MYO5B: variants seen among roughly 807,000 people sequenced by gnomAD.
MYO5B encodes unconventional myosin-Vb.
In MYO5B, 143 loss-of-function variants were observed where a neutral mutation model predicts 229.3. The ratio of observed to expected loss-of-function variants is 0.62; its 90% CI spans 0.54 to 0.72. MYO5B has a LOEUF of 0.72. Ranked by LOEUF, MYO5B falls within the 30% of genes least tolerant of loss-of-function variation. The probability of loss-of-function intolerance (pLI) is 0.00; values close to 1 mark genes in which losing one functional copy is unlikely to be tolerated. For synonymous variants in MYO5B, 918 were observed against 885.2 expected (o/e 1.04, Z -0.66); for missense variants, 2,321 against 2,331.0 (o/e 1.00, Z 0.09).
At chr18:50,085,445 G>A (rs946167410) in intron 1 of MYO5B, among the ~76,000 whole-genome samples, 3 of 152,080 alleles carry the variant, frequency 2.0e-5, no homozygotes, top group African/African-American at 2.4e-5. Context: ...GGAGAAATAG[G>A]AACACTTTTA....
chr18:50,062,115 T>A (rs1285198616), intron 1 of MYO5B, among the ~76,000 whole-genome samples: 1 of 152,032 alleles, frequency 6.6e-6, no homozygotes, highest in African/African-American at 2.4e-5. Flanking sequence ...CAGCCCAGAG[T>A]CCTGCTGAGT....
chr18:49,941,021 A>G (rs528633957), intron 14 of MYO5B, among the ~76,000 whole-genome samples: 1 of 152,330 alleles, frequency 6.6e-6, no homozygotes, highest in African/African-American at 2.4e-5. Context: ...AATTAACACA[A>G]GTCAGTGTTT....
At chr18:50,094,328 A>G (rs1471594941) in intron 1 of MYO5B, among the ~76,000 whole-genome samples, 2 of 152,236 alleles carry the variant, frequency 1.3e-5, no homozygotes, top group East Asian at 1.9e-4. Context: ...ACAGGTTCAC[A>G]TCAAAATTGA....
At chr18:50,121,481 G>C (rs907126074) in intron 1 of MYO5B, among the ~76,000 whole-genome samples, 1 of 152,220 alleles carries the variant, frequency 6.6e-6, no homozygotes, top group African/African-American at 2.4e-5. Flanking sequence ...AAAGGGCTCT[G>C]TGTAGCAGCA....
At chr18:50,085,427 G>A (rs560674280) in intron 1 of MYO5B, among the ~76,000 whole-genome samples, 87 of 152,126 alleles carry the variant, frequency 5.7e-4, no homozygotes, top group African/African-American at 2.1e-3. Flanking sequence ...AGGTGCTGGA[G>A]AGGATGTGGA....
chr18:49,953,106 A>G (rs1292979955), intron 14 of MYO5B, among the ~76,000 whole-genome samples, 154 bp downstream of exon 14: 1 of 152,056 alleles, frequency 6.6e-6, no homozygotes, highest in Non-Finnish European at 1.5e-5. Flanking sequence ...ATGGCCATTC[A>G]ACTGTTTTCA....
chr18:49,907,894 C>T (rs1366840479), intron 18 of MYO5B, among the ~76,000 whole-genome samples: 1 of 152,250 alleles, frequency 6.6e-6, no homozygotes, highest in African/African-American at 2.4e-5. Flanking sequence ...ACCCACTGGG[C>T]CTTCAGCTCA....
intron 28 of MYO5B, 102 bp downstream of exon 28, chr18:49,864,039 T>C: frequency 6.5e-7 from 1 of 1,548,410 alleles, no homozygotes; most frequent in Non-Finnish European, 8.7e-7. Context: ...ACTCTGCTCT[T>C]TCAGGTTTTA....
At chr18:49,924,707 C>T (rs1184398886) in intron 17 of MYO5B, among the ~76,000 whole-genome samples, 3 of 152,226 alleles carry the variant, frequency 2.0e-5, no homozygotes, top group Non-Finnish European at 4.4e-5. Context: ...GCAGCAGCAA[C>T]AGCATAACTT....
intron 1 of MYO5B, among the ~76,000 whole-genome samples, chr18:50,116,673 A>G (rs977400761): frequency 6.6e-6 from 1 of 151,798 alleles, no homozygotes; most frequent in Admixed American, 6.5e-5. Flanking sequence ...GCTGTTCTCA[A>G]AGTGTGGTCC....
chr18:50,141,987 G>A (rs926645603), intron 1 of MYO5B, among the ~76,000 whole-genome samples: 33 of 152,160 alleles, frequency 2.2e-4, no homozygotes, highest in African/African-American at 7.2e-4. Context: ...TTCTCTCTGG[G>A]AATTCTGCTA....
intron 33 of MYO5B, among the ~76,000 whole-genome samples, chr18:49,844,753 A>G (rs909751169): frequency 2.6e-5 from 4 of 152,182 alleles, no homozygotes; most frequent in African/African-American, 9.7e-5. Context: ...CCAATCCATA[A>G]CTTCTTACTT....
intron 2 of MYO5B, among the ~76,000 whole-genome samples, chr18:50,042,060 C>G (rs2030032176): frequency 6.6e-6 from 1 of 152,174 alleles, no homozygotes; most frequent in South Asian, 2.1e-4. Flanking sequence ...ATCAGACTGA[C>G]AAGACCCTAA....
rs192038705 is a variant in MYO5B at position 50,075,015 on chromosome 18, C to T, written c.28-19637G>A. 2.9e-3 allele frequency among the ~76,000 whole-genome samples: 436 copies of T among 152,248 alleles called. 3 individuals carry two copies. The highest frequency in any genetic ancestry group is 0.01 in the Middle Eastern group (3 of 294). ...GGGTTTCACCATTGGTCAGGCTGGT[C>T]TCGAACTCCTGACCTCATGATCTGC... is the stretch of plus-strand genomic sequence containing the variant. On this transcript the variant is annotated intron_variant, in intron 1 of 39. Transcript: ENST00000285039.
chr18:49,960,512 C>G (rs886181622), intron 12 of MYO5B, among the ~76,000 whole-genome samples: 13 of 152,248 alleles, frequency 8.5e-5, no homozygotes, highest in Non-Finnish European at 1.6e-4. Context: ...TAAAATGCAC[C>G]CTTTCACTGA....
At chr18:50,141,523 T>A (rs905870209) in intron 1 of MYO5B, among the ~76,000 whole-genome samples, 1 of 152,174 alleles carries the variant, frequency 6.6e-6, no homozygotes, top group Non-Finnish European at 1.5e-5. Flanking sequence ...AATTCTTCCC[T>A]GGATGAAGCC....
rs565293277 is a variant in MYO5B at position 50,138,313 on chromosome 18, T to C, written c.27+56454A>G. 2.6e-5 allele frequency among the ~76,000 whole-genome samples: 4 copies of C among 152,080 alleles called. No homozygotes were observed. The East Asian group carries it at 7.7e-4, about 29-fold the overall frequency. On this transcript the variant is annotated intron_variant, in intron 1 of 39. Transcript: ENST00000285039. ...GAATCACTTCAATCTCCACAAAGAT[T>C]TCAGTATTCAGCATTCCTTCCTGCC...
chr18:49,997,726 AT>A (rs2026004703), intron 5 of MYO5B, among the ~76,000 whole-genome samples: 1 of 152,082 alleles, frequency 6.6e-6, no homozygotes, highest in South Asian at 2.1e-4. Flanking sequence ...ATCTCAATCC[AT>A]CCTCAAGTCG....
At chr18:50,157,859 A>C (rs965084929) in intron 1 of MYO5B, among the ~76,000 whole-genome samples, 2 of 152,246 alleles carry the variant, frequency 1.3e-5, no homozygotes, top group East Asian at 3.8e-4. Context: ...TGCCTGGAAT[A>C]GAATAAGCAC....
Sources: allele counts gnomAD v4.1 joint callset (sites outside exome capture counted in the v4.1 genomes callset), GRCh38; gene constraint gnomAD v4.1.1; transcripts MANE v1.5; gene names NCBI Gene and HGNC (gene_info 2026-07-23, HGNC 2026-07-21).